PITRM1: variants seen among roughly 807,000 people sequenced by gnomAD.
PITRM1 encodes pitrilysin metallopeptidase 1, also known as presequence protease, mitochondrial.
PITRM1 carries 100 observed loss-of-function variants against 129.9 expected under a neutral mutation model. That is an observed-to-expected ratio of 0.77 (90% CI 0.65 to 0.91). The LOEUF is 0.91. PITRM1 is among the 40% of genes least tolerant of loss of function. The pLI is 0.00. For missense variants in PITRM1, 1,471 were observed against 1,318.3 expected (o/e 1.12, Z -1.79); for synonymous variants, 591 against 508.8 (o/e 1.16, Z -2.17).
chr10:3,140,296 ACTG>A (rs907062781), intron 24 of PITRM1, among the ~76,000 whole-genome samples: 1 of 152,110 alleles, frequency 6.6e-6, no homozygotes, highest in African/African-American at 2.4e-5. Context: ...CTTTCATCCC[ACTG>A]CTTAGAAGAA....
intron 23 of PITRM1, chr10:3,141,795 GT>G: frequency 2.8e-6 from 1 of 360,686 alleles, no homozygotes; most frequent in Non-Finnish European, 5.9e-6. Flanking sequence ...AGGAGTGGGC[GT>G]GTTCCCAGGG....
At chr10:3,165,639 T>G in intron 4 of PITRM1, 112 bp from the exon 5 acceptor site, 1 of 699,792 alleles carries the variant, frequency 1.4e-6, no homozygotes, top group Non-Finnish European at 2.4e-6. Flanking sequence ...TAGCTATTCT[T>G]GGGATGGGGC....
intron 14 of PITRM1, among the ~76,000 whole-genome samples, chr10:3,154,863 C>A (rs1841840841): frequency 1.3e-5 from 2 of 152,160 alleles, no homozygotes; most frequent in East Asian, 3.8e-4. Context: ...GGCTGCCAAT[C>A]CCCGTCTCAC....
chr10:3,156,980 G>A lies in PITRM1; in HGVS notation c.1432C>T (p.Leu478=). The A allele has an allele frequency of 6.2e-7, 1 of 1,607,930 alleles. No individual in the cohort carries two copies. Among genetic ancestry groups the A allele is most frequent in the Non-Finnish European group, 8.5e-7 (1 of 1,177,980 alleles). The change falls in exon 13 of 27, where the codon CTG becomes TTG. Residue 478 remains leucine, a synonymous_variant. Coordinates refer to ENST00000224949, the MANE Select transcript of PITRM1 (RefSeq NM_014889.4). ...GNQLAKFRQC[L]QENPKFLQEK... ...TGCAAAAATTTTGGATTTTCCTGCAGGCACTGTCTGAATTTAGCTAACTGA... is the reference window on the plus strand; with the variant it reads ...TGCAAAAATTTTGGATTTTCCTGCAAGCACTGTCTGAATTTAGCTAACTGA...
At chr10:3,162,837 G>A (rs1048939066) in intron 7 of PITRM1, among the ~76,000 whole-genome samples, 2 of 152,224 alleles carry the variant, frequency 1.3e-5, no homozygotes, top group Admixed American at 6.5e-5. Flanking sequence ...GGAGAAACCC[G>A]GGCCGACCAG....
intron 1 of PITRM1, among the ~76,000 whole-genome samples, chr10:3,171,068 G>A (rs1348896171): frequency 7.2e-6 from 1 of 138,142 alleles, no homozygotes; most frequent in African/African-American, 2.7e-5. Flanking sequence ...ATGTCAGCAC[G>A]AACCCTGACA....
intron 14 of PITRM1, among the ~76,000 whole-genome samples, chr10:3,151,565 A>G (rs1353869898): frequency 1.3e-5 from 2 of 152,324 alleles, no homozygotes; most frequent in South Asian, 2.1e-4. Flanking sequence ...CTTAGTGGGT[A>G]GCCCTTTTCC....
In PITRM1 at chr10:3,155,688, G is replaced by T; in HGVS notation, c.1524C>A (p.Asp508Glu). 6.2e-7 allele frequency: 1 copy of T among 1,613,874 alleles called. No homozygotes were observed. Among genetic ancestry groups the T allele is most frequent in the Non-Finnish European group, 8.5e-7 (1 of 1,179,884 alleles). ...HKLTLSMRPD[D>E]KYHEKQAQVE... ...CCTGTGCCTGCTTCTCGTGATACTTGTCATCTGGCCTCATCGATAAAGTCA... is the reference window on the plus strand; with the variant it reads ...CCTGTGCCTGCTTCTCGTGATACTTTTCATCTGGCCTCATCGATAAAGTCA... Residue 508 changes from aspartate to glutamate, a missense_variant, in exon 14 of 27, where the codon GAC (aspartate) becomes GAA (glutamate). By Grantham distance (45) the Asp-to-Glu change is conservative. Transcript: ENST00000224949.
intron 24 of PITRM1, 41 bp from the exon 25 acceptor site, chr10:3,139,090 G>C (rs2279220): frequency 9.4e-6 from 15 of 1,587,728 alleles, no homozygotes; most frequent in Admixed American, 1.7e-5. Flanking sequence ...CATTTTACCA[G>C]TGGACAAGTT....
At position 3,155,865 on chromosome 10, in the gene PITRM1, C is replaced by T. The variant is rs116756390; in HGVS notation, c.1483-136G>A. 4,845 of 975,180 alleles carry T rather than the reference C, an allele frequency of 5.0e-3. 166 individuals are homozygous for T. In the African/African-American group the frequency reaches 0.066, roughly 13 times the overall value. The allele number at this position is 975,180 out of a possible 1,614,324, so 60.4% of individuals were successfully genotyped here. A position where few individuals can be genotyped will look rare whatever the true frequency, so the allele number is the denominator to read the frequency against. On this transcript the variant is annotated intron_variant, in intron 13 of 26. Transcript: ENST00000224949. The stretch of plus-strand genomic sequence containing the variant: ...CACTTTAAAAATAGTAATAATAGAA[C>T]GCACCTCAAGAGTTGTTTTGCTGAT...
chr10:3,165,453 C>T lies in PITRM1; in HGVS notation c.493G>A (p.Asp165Asn). Reference sequence around the variant, plus strand: ...CGTAAACATGGGAAAAAGGTGGCATCCAAATACACCGAGAGGAGATTCTGA... The same window carrying T: ...CGTAAACATGGGAAAAAGGTGGCATTCAAATACACCGAGAGGAGATTCTGA... ...DFQNLLSVYLDATFFPCLREL... is the reference protein window; with the variant it reads ...DFQNLLSVYLNATFFPCLREL... The change falls in exon 5 of 27, where the codon GAT becomes AAT. Residue 165 changes from aspartate (D) to asparagine (N), a missense_variant. Asp to Asn is a conservative substitution (Grantham distance 23). Transcript: ENST00000224949. 8.1e-6 allele frequency: 13 copies of T among 1,613,514 alleles called. No homozygotes were observed. The highest frequency in any genetic ancestry group is 9.3e-6 in the Non-Finnish European group (11 of 1,179,726).
intron 24 of PITRM1, 143 bp from the exon 25 acceptor site, chr10:3,139,192 CA>C (rs1839932055): frequency 2.8e-6 from 2 of 709,374 alleles, no homozygotes; most frequent in Non-Finnish European, 4.8e-6. Flanking sequence ...AGCCCACTGA[CA>C]AATCGCTCAA....
chr10:3,149,357 C>T (rs1189220004), intron 16 of PITRM1: 1 of 308,686 alleles, frequency 3.2e-6, no homozygotes, highest in African/African-American at 2.2e-5. Context: ...ACCATCAATC[C>T]TTTCCAAAGC....
intron 14 of PITRM1, among the ~76,000 whole-genome samples, 199 bp from the exon 15 acceptor site, chr10:3,151,562 G>T (rs1279528030): frequency 6.6e-6 from 1 of 152,086 alleles, no homozygotes; most frequent in East Asian, 1.9e-4. Context: ...CTGCTTAGTG[G>T]GTAGCCCTTT....
chr10:3,163,627 AT>A (rs1457745103), intron 7 of PITRM1, 97 bp downstream of exon 7: 1 of 1,028,020 alleles, frequency 9.7e-7, no homozygotes. Context: ...TTTCTTAAGC[AT>A]TGCTAAATGT....
Position 3,160,766 on chromosome 10 carries a change from G to GT in PITRM1, c.792-437dup, listed in dbSNP as rs35527214. Among the ~76,000 whole-genome samples the GT allele has an allele frequency of 2.9e-3, 429 of 148,182 alleles. 1 individual carries two copies. The highest frequency in any genetic ancestry group is 3.7e-3 in the Non-Finnish European group (246 of 67,034). ...CCACCACACTTGGTTTTGGTGGGGGGTTTTTTTTTTTGAGATGGAGTCTCG... is the reference window on the plus strand; with the variant it reads ...CCACCACACTTGGTTTTGGTGGGGGGTTTTTTTTTTTTGAGATGGAGTCTCG... On this transcript the variant is annotated intron_variant, in intron 7 of 26. Transcript: ENST00000224949.
intron 24 of PITRM1, among the ~76,000 whole-genome samples, chr10:3,139,681 C>T (rs576076229): frequency 6.6e-6 from 1 of 152,190 alleles, no homozygotes. Flanking sequence ...GCTATGCATC[C>T]ACGGGACAGG....
intron 7 of PITRM1, among the ~76,000 whole-genome samples, chr10:3,161,041 G>A (rs932855105): frequency 1.3e-5 from 2 of 152,016 alleles, no homozygotes; most frequent in African/African-American, 2.4e-5. Flanking sequence ...AATTACAGGC[G>A]TGAGCCACCG....
chr10:3,155,887 T>C (rs573070679), intron 13 of PITRM1, among the ~76,000 whole-genome samples, 158 bp from the exon 14 acceptor site: 2 of 152,324 alleles, frequency 1.3e-5, no homozygotes, highest in Admixed American at 1.3e-4. Context: ...GTTGTTTTGC[T>C]GATGCAAGTA....
Sources: allele counts gnomAD v4.1 joint callset (sites outside exome capture counted in the v4.1 genomes callset), GRCh38; gene constraint gnomAD v4.1.1; transcripts MANE v1.5; gene names NCBI Gene and HGNC (gene_info 2026-07-23, HGNC 2026-07-21).